The following MROH2B variants were observed in gnomAD, a reference collection of about 807,000 sequenced individuals.
The protein encoded by MROH2B is maestro heat-like repeat-containing protein family member 2B.
Under a neutral mutation model 208.6 loss-of-function variants are expected in MROH2B, and 177 were observed. The ratio of observed to expected loss-of-function variants is 0.85; its 90% confidence interval spans 0.75 to 0.96. The LOEUF (loss-of-function observed/expected upper bound fraction) is 0.96. MROH2B is among the 40% of genes least tolerant of loss of function. The pLI is 0.00. For missense variants in MROH2B, 2,002 were observed against 1,878.7 expected, an observed-to-expected ratio of 1.07 and a Z score of -1.21; for synonymous variants, 728 against 659.0, an observed-to-expected ratio of 1.10 and a Z score of -1.60.
At position 41,048,314 on chromosome 5, in the gene MROH2B, T is replaced by G; in HGVS notation, c.1684+10A>C. ...CCCCTGGGTAAAGACCTGGCCCCAATCCCTTGTACCTTCCAGAGGCTGCAG... is the reference window on the plus strand; with the variant it reads ...CCCCTGGGTAAAGACCTGGCCCCAAGCCCTTGTACCTTCCAGAGGCTGCAG... On this transcript the variant is annotated intron_variant, in intron 16 of 41. Coordinates refer to ENST00000399564, the MANE Select transcript of MROH2B (RefSeq NM_173489.5). 6.2e-7 allele frequency: 1 copy of G among 1,602,088 alleles called. No homozygotes were observed. Among genetic ancestry groups the G allele is most frequent in the African/African-American group, 1.3e-5 (1 of 74,470 alleles).
intron 24 of MROH2B, among the ~76,000 whole-genome samples, chr5:41,025,528 T>A (rs543218390): frequency 6.6e-6 from 1 of 152,230 alleles, no homozygotes; most frequent in Admixed American, 6.5e-5. Context: ...GGCTCTGAAA[T>A]TGAAGCAATA....
chr5:41,000,843 C>T lies in MROH2B; in HGVS notation c.4195-10G>A, dbSNP rs73088394. On this transcript the variant is annotated splice_polypyrimidine_tract_variant and intron_variant, in intron 37 of 41. Transcript: ENST00000399564. ...TCACATCATCCTGCTCCTGTGGTGA[C>T]GAATGCATGTCGTGGTGAATATCCT... 0.011 allele frequency: 17,401 copies of T among 1,605,138 alleles called. 1,492 individuals carry two copies. The African/African-American group carries it at 0.19, about 18-fold the overall frequency.
chr5:41,052,622 T>C lies in MROH2B; in HGVS notation c.1108-35A>G, dbSNP rs1743320687. The C allele has an allele frequency of 2.6e-6, 4 of 1,561,436 alleles. No individual in the cohort carries two copies. In the South Asian group the frequency reaches 4.9e-5, roughly 19 times the overall value. On this transcript the variant is annotated intron_variant, in intron 11 of 41. Transcript: ENST00000399564. ...GAACAATGCAATAGCAACATTTTAC[T>C]ATGTTTTGCAGAAGGGAAATTTACC...
Position 41,017,948 on chromosome 5 carries a change from C to A in MROH2B, c.2786G>T (p.Gly929Val). ...DIEAPENFKI[G>V]SLLGLLAPHS... ...AGGAGCCAGAAGTCCAAGCAGTGAACCAATTTTAAAGTTCTCTGGTGCCTG... is the reference window on the plus strand; with the variant it reads ...AGGAGCCAGAAGTCCAAGCAGTGAAACAATTTTAAAGTTCTCTGGTGCCTG... The change falls in exon 28 of 42, where the codon GGT (glycine) becomes GTT (valine). Residue 929 changes from glycine (G) to valine (V), a missense_variant. Physicochemically the swap from Gly to Val is moderately radical, Grantham distance 109. Transcript: ENST00000399564. 6.3e-7 allele frequency: 1 copy of A among 1,577,900 alleles called. No individual in the cohort carries two copies. Among genetic ancestry groups the A allele is most frequent in the Admixed American group, 1.8e-5 (1 of 54,194 alleles).
intron 37 of MROH2B, among the ~76,000 whole-genome samples, chr5:41,003,054 G>A (rs62357093): frequency 0.46 from 68,428 of 150,170 alleles, 15,826 homozygotes; most frequent in African/African-American, 0.52. Context: ...TCTGCCTCCC[G>A]TGTTCAAGCG....
Position 41,049,402 on chromosome 5 carries a change from G to C in MROH2B, c.1379C>G (p.Pro460Arg). The C allele has an allele frequency of 6.2e-7, 1 of 1,613,448 alleles. No homozygotes were observed. Among genetic ancestry groups the C allele is most frequent in the South Asian group, 1.1e-5 (1 of 90,988 alleles). The change falls in exon 14 of 42, where the codon CCT (proline) becomes CGT (arginine). Residue 460 changes from proline (P) to arginine (R), a missense_variant. Pro to Arg is a moderately radical substitution (Grantham distance 103). Transcript: ENST00000399564. ...CTCCAGAGCTTCTGTGTATTCTGCA[G>C]GTACCACAAAAGTCAGGATCCTTGG... ...LWPRILTFVV[P>R]AEYTEALEPL... is the part of the protein sequence containing the mutation.
rs575314749 is a variant in MROH2B at position 41,042,044 on chromosome 5, G to T, written c.1953+48C>A. The stretch of plus-strand genomic sequence containing the variant: ...GTCAGAGGTTTTGTGGATAGGATTA[G>T]TTGTGTTGTTATCATCATAAGAGGA... On this transcript the variant is annotated intron_variant, in intron 19 of 41. Coordinates refer to ENST00000399564, the MANE Select transcript of MROH2B (RefSeq NM_173489.5). 31 of 1,050,192 alleles carry T rather than the reference G, an allele frequency of 3.0e-5. No individual in the cohort carries two copies. The South Asian group carries it at 4.1e-4, about 14-fold the overall frequency. The allele number at this position is 1,050,192 out of a possible 1,614,324, so 65.1% of individuals were successfully genotyped here. A position where few individuals can be genotyped will look rare whatever the true frequency, so the allele number is the denominator to read the frequency against.
intron 24 of MROH2B, among the ~76,000 whole-genome samples, chr5:41,028,518 TA>T (rs1273911756): frequency 2.0e-5 from 3 of 152,188 alleles, no homozygotes; most frequent in African/African-American, 4.8e-5. Flanking sequence ...CATTTCTGTA[TA>T]TCTGACATTT....
intron 24 of MROH2B, 61 bp downstream of exon 24, chr5:41,032,681 G>C (rs914537701): frequency 7.3e-7 from 1 of 1,362,220 alleles, no homozygotes. Context: ...GATGTTAGTT[G>C]ATCAGGAGGA....
chr5:41,029,949 A>G (rs1742508363), intron 24 of MROH2B, among the ~76,000 whole-genome samples: 1 of 152,082 alleles, frequency 6.6e-6, no homozygotes, highest in Non-Finnish European at 1.5e-5. Flanking sequence ...CAAATCTAAA[A>G]TAAAAGTTGA....
chr5:41,056,861 A>G (rs918652784), intron 9 of MROH2B, among the ~76,000 whole-genome samples: 2 of 151,932 alleles, frequency 1.3e-5, no homozygotes, highest in African/African-American at 4.8e-5. Context: ...TTGAGAACTG[A>G]AAATTTTATC....
intron 24 of MROH2B, among the ~76,000 whole-genome samples, chr5:41,023,005 A>G (rs1742211696): frequency 6.6e-6 from 1 of 152,208 alleles, no homozygotes; most frequent in South Asian, 2.1e-4. Context: ...AGGAAAACTA[A>G]CAAACAGAAA....
intron 24 of MROH2B, among the ~76,000 whole-genome samples, chr5:41,030,680 A>T (rs1021090330): frequency 1.3e-5 from 2 of 152,136 alleles, no homozygotes; most frequent in South Asian, 4.1e-4. Flanking sequence ...ATAGTAAGAA[A>T]AAAGAACAAA....
rs556760173 is a variant in MROH2B, at chr5:41,034,204, T to C, written c.2215-340A>G. The C allele has an allele frequency of 8.3e-4, 275 of 329,702 alleles. 1 individual carries two copies. The highest frequency in any genetic ancestry group is 1.1e-3 in the Non-Finnish European group (251 of 230,316). The allele number at this position is 329,702 out of a possible 1,614,324, so 20.4% of individuals were successfully genotyped here. On this transcript the variant is annotated intron_variant, in intron 21 of 41. Coordinates refer to ENST00000399564, the MANE Select transcript of MROH2B (RefSeq NM_173489.5). ...AAAAGGGTAAAGGCTCTTAGGGAAA[T>C]GAGAAGCGAAAAACTATAAAATGAA... is the stretch of plus-strand genomic sequence containing the variant.
At chr5:41,005,303 C>T in intron 35 of MROH2B, 1 of 541,708 alleles carries the variant, frequency 1.8e-6, no homozygotes, top group Non-Finnish European at 3.3e-6. Flanking sequence ...CCCCCTTTCT[C>T]TGCCTTCTGC....
In MROH2B at chr5:41,038,887, C is replaced by T. The variant is rs1742852832; in HGVS notation, c.2063G>A (p.Ser688Asn). The T allele has an allele frequency of 1.9e-6, 3 of 1,600,862 alleles. No individual in the cohort carries two copies. The African/African-American group carries it at 4.1e-5, about 22-fold the overall frequency. Residue 688 changes from serine to asparagine, a missense_variant and splice_region_variant, in exon 21 of 42, where the codon AGC becomes AAC. By Grantham distance (46) the Ser-to-Asn change is conservative. Transcript: ENST00000399564. ...CAGGCTCTTTTTCCCAGAAAAAAGG[C>T]TCTGAAGACCAGGAAAGGGAGACAT... ...QEKFFMNRCK[S>N]LFSGKKSLTK... is the part of the protein sequence containing the mutation.
At chr5:41,045,939 G>C in intron 17 of MROH2B, 86 bp from the exon 18 acceptor site, 3 of 852,728 alleles carry the variant, frequency 3.5e-6, no homozygotes, top group Non-Finnish European at 5.4e-6. Flanking sequence ...TCTTTTAAAA[G>C]TTTAAATATA....
intron 11 of MROH2B, among the ~76,000 whole-genome samples, chr5:41,053,597 G>GCCA (rs1743349846): frequency 6.6e-6 from 1 of 152,258 alleles, no homozygotes; most frequent in African/African-American, 2.4e-5. Context: ...TTATATGGTG[G>GCCA]CCAAAACAAT....
At chr5:41,025,419 A>G (rs2150161993) in intron 24 of MROH2B, among the ~76,000 whole-genome samples, 1 of 152,328 alleles carries the variant, frequency 6.6e-6, no homozygotes, top group South Asian at 2.1e-4. Context: ...CTACACAAAT[A>G]AACTAGAAGA....
Sources: gnomAD v4.1 joint callset for allele counts (sites outside exome capture counted in the v4.1 genomes callset) on GRCh38, gnomAD v4.1.1 for gene constraint, MANE v1.5 for transcripts, NCBI Gene and HGNC (gene_info 2026-07-23, HGNC 2026-07-21) for gene names.